Variants in TSHZ2 observed in about 807,000 individuals in gnomAD.
The protein encoded by TSHZ2 is teashirt homolog 2.
TSHZ2 carries 21 observed loss-of-function variants against 74.4 expected under a neutral mutation model. The observed-to-expected ratio is 0.28, with a 90% confidence interval of 0.20 to 0.41. The LOEUF (loss-of-function observed/expected upper bound fraction) is 0.41, where lower values mean the gene tolerates loss of function less well. TSHZ2 is among the 10% of genes least tolerant of loss of function. The pLI is 1.00. For synonymous variants in TSHZ2, 540 were observed against 515.3 expected (o/e 1.05, Z -0.65); for missense variants, 1,244 against 1,293.5 (o/e 0.96, Z 0.59).
chr20:53,307,096 GA>G (rs1469383477), intron 2 of TSHZ2, among the ~76,000 whole-genome samples: 26 of 152,086 alleles, frequency 1.7e-4, no homozygotes, highest in African/African-American at 5.3e-4. Context: ...ACTGGGAAAT[GA>G]ACAAAGTGAG....
At chr20:53,304,683 A>C (rs936636915) in intron 2 of TSHZ2, among the ~76,000 whole-genome samples, 1 of 152,120 alleles carries the variant, frequency 6.6e-6, no homozygotes, top group Admixed American at 6.6e-5. Context: ...CCAGGCTGGA[A>C]TGCAGTGGCG....
At chr20:53,000,086 C>T (rs1982356374) in intron 1 of TSHZ2, among the ~76,000 whole-genome samples, 1 of 152,174 alleles carries the variant, frequency 6.6e-6, no homozygotes, top group South Asian at 2.1e-4. Context: ...TCTCACTCAC[C>T]ATTATAGACA....
intron 1 of TSHZ2, among the ~76,000 whole-genome samples, chr20:52,984,747 G>A (rs926850470): frequency 6.6e-6 from 1 of 152,278 alleles, no homozygotes; most frequent in Non-Finnish European, 1.5e-5. Context: ...CCACTCAAGA[G>A]GCGTCTACAT....
chr20:53,380,056 C>G (rs553779427), intron 2 of TSHZ2, among the ~76,000 whole-genome samples: 1 of 151,918 alleles, frequency 6.6e-6, no homozygotes, highest in Admixed American at 6.6e-5. Flanking sequence ...GTTTACCCAG[C>G]GAAAGTAATT....
At chr20:53,404,319 G>A (rs916201677) in intron 2 of TSHZ2, among the ~76,000 whole-genome samples, 7 of 152,178 alleles carry the variant, frequency 4.6e-5, no homozygotes, top group Admixed American at 1.3e-4. Flanking sequence ...CAATTAACAT[G>A]TTAATGACAT....
chr20:53,299,246 T>A (rs1163842993), intron 2 of TSHZ2, among the ~76,000 whole-genome samples: 1 of 152,178 alleles, frequency 6.6e-6, no homozygotes, highest in Admixed American at 6.5e-5. Flanking sequence ...AAGAAAGAAT[T>A]GAGGCAACTA....
At chr20:53,051,149 G>A (rs1984444711) in intron 1 of TSHZ2, among the ~76,000 whole-genome samples, 1 of 152,068 alleles carries the variant, frequency 6.6e-6, no homozygotes, top group East Asian at 1.9e-4. Flanking sequence ...AACTAGCCTG[G>A]CCAACATGGT....
At chr20:53,435,450 G>C (rs997051053) in intron 2 of TSHZ2, among the ~76,000 whole-genome samples, 2 of 152,152 alleles carry the variant, frequency 1.3e-5, no homozygotes, top group South Asian at 2.1e-4. Flanking sequence ...AGTTGAAAAC[G>C]TATCTATGTG....
intron 2 of TSHZ2, among the ~76,000 whole-genome samples, chr20:53,442,879 T>C (rs1984391921): frequency 6.6e-6 from 1 of 152,226 alleles, no homozygotes; most frequent in African/African-American, 2.4e-5. Context: ...ACTTGAGCTC[T>C]GGGCGTGATT....
At chr20:53,125,671 T>C (rs1222017697) in intron 1 of TSHZ2, among the ~76,000 whole-genome samples, 1 of 152,110 alleles carries the variant, frequency 6.6e-6, no homozygotes, top group African/African-American at 2.4e-5. Context: ...ATACTGTTTT[T>C]GAATGAATAA....
intron 1 of TSHZ2, among the ~76,000 whole-genome samples, chr20:52,999,689 A>G (rs753761421): frequency 1.3e-5 from 2 of 152,200 alleles, no homozygotes; most frequent in Non-Finnish European, 2.9e-5. Context: ...GAATCATCAG[A>G]ATCGCCTCTA....
In TSHZ2 at chr20:53,335,960, A is replaced by C. The variant is rs192323370; in HGVS notation, c.*8+79389A>C. ...ACATGGGGAGTCTAATCAGGATATT[A>C]ACGAGTCTGGTTTTGAATTCCTATA... On this transcript the variant is annotated intron_variant, in intron 2 of 2. Transcript: ENST00000371497. Among the ~76,000 whole-genome samples the C allele has an allele frequency of 2.8e-3, 433 of 152,340 alleles. 1 individual carries two copies. The highest frequency in any genetic ancestry group is 9.8e-3 in the African/African-American group (409 of 41,576).
At chr20:53,442,095 G>A (rs1324852488) in intron 2 of TSHZ2, among the ~76,000 whole-genome samples, 1 of 152,086 alleles carries the variant, frequency 6.6e-6, no homozygotes, top group Admixed American at 6.6e-5. Flanking sequence ...AGGAGTAGAT[G>A]AGGTTAGAGG....
intron 2 of TSHZ2, among the ~76,000 whole-genome samples, chr20:53,298,246 T>C (rs572594305): frequency 2.1e-4 from 32 of 152,372 alleles, no homozygotes; most frequent in Non-Finnish European, 2.2e-4. Flanking sequence ...TATGTTCTCC[T>C]GGCCCTTACA....
intron 2 of TSHZ2, among the ~76,000 whole-genome samples, chr20:53,331,139 C>T (rs1358098813): frequency 2.6e-5 from 4 of 152,132 alleles, no homozygotes; most frequent in Non-Finnish European, 4.4e-5. Flanking sequence ...TAATGAGCCT[C>T]GGTTACAGGT....
chr20:52,997,134 C>T (rs1210836576), intron 1 of TSHZ2, among the ~76,000 whole-genome samples: 1 of 152,120 alleles, frequency 6.6e-6, no homozygotes, highest in African/African-American at 2.4e-5. Context: ...CATCAGTGCA[C>T]CTGGGAGAGA....
intron 1 of TSHZ2, among the ~76,000 whole-genome samples, chr20:53,182,398 G>A (rs546929523): frequency 5.3e-4 from 81 of 152,164 alleles, no homozygotes; most frequent in African/African-American, 1.9e-3. Context: ...AACAAATATG[G>A]GCAAAGTACT....
chr20:53,267,958 G>A (rs984937441), intron 2 of TSHZ2, among the ~76,000 whole-genome samples: 10 of 152,150 alleles, frequency 6.6e-5, no homozygotes, highest in African/African-American at 2.4e-4. Flanking sequence ...AGGGTTGAAG[G>A]TGGGACTCAA....
intron 1 of TSHZ2, among the ~76,000 whole-genome samples, chr20:52,999,423 C>T (rs930650962): frequency 6.6e-6 from 1 of 152,186 alleles, no homozygotes; most frequent in Non-Finnish European, 1.5e-5. Context: ...GGGCTATAAA[C>T]CATAGAGCCT....
Sources: allele counts gnomAD v4.1 joint callset (sites outside exome capture counted in the v4.1 genomes callset), GRCh38; gene constraint gnomAD v4.1.1; transcripts MANE v1.5; gene names NCBI Gene and HGNC (gene_info 2026-07-23, HGNC 2026-07-21).